RASSF3: variants seen among roughly 807,000 people sequenced by gnomAD.
RASSF3 encodes Ras association domain family member 3, also known as ras association domain-containing protein 3.
RASSF3 carries 19 observed loss-of-function variants against 19.9 expected under a neutral mutation model. The ratio of observed to expected loss-of-function variants is 0.96; its 90% CI spans 0.67 to 1.40. RASSF3 has a LOEUF of 1.40. RASSF3 is among the 40% of genes most tolerant of loss of function. The probability of loss-of-function intolerance (pLI) is 0.00; values close to 1 mark genes in which losing one functional copy is unlikely to be tolerated. For synonymous variants in RASSF3, 110 were observed against 104.2 expected, an observed-to-expected ratio of 1.06 and a Z score of -0.34; for missense variants, 306 against 289.8, an observed-to-expected ratio of 1.06 and a Z score of -0.41.
At chr12:64,678,260 A>C (rs998004473) in intron 1 of RASSF3, among the ~76,000 whole-genome samples, 1 of 152,200 alleles carries the variant, frequency 6.6e-6, no homozygotes, top group African/African-American at 2.4e-5. Context: ...TCTGTCTGTT[A>C]TTGCACTGGG....
intron 1 of RASSF3, among the ~76,000 whole-genome samples, chr12:64,673,473 G>T (rs1399930796): frequency 6.6e-6 from 1 of 152,184 alleles, no homozygotes; most frequent in East Asian, 1.9e-4. Flanking sequence ...CCGTAGTCCA[G>T]TGGCCTCTTT....
intron 3 of RASSF3, among the ~76,000 whole-genome samples, chr12:64,690,628 A>G (rs1018388494): frequency 6.6e-6 from 1 of 151,566 alleles, no homozygotes; most frequent in Non-Finnish European, 1.5e-5. Flanking sequence ...GGCGGGCCCC[A>G]TTATGCCTGG....
chr12:64,648,702 C>T (rs937234423), intron 1 of RASSF3, among the ~76,000 whole-genome samples: 19 of 151,226 alleles, frequency 1.3e-4, no homozygotes, highest in African/African-American at 3.6e-4. Flanking sequence ...AGGATGGTCT[C>T]GATCTCTTGA....
At chr12:64,571,731 T>C (rs1049385153) in intron 2 of RASSF3, among the ~76,000 whole-genome samples, 1 of 152,150 alleles carries the variant, frequency 6.6e-6, no homozygotes, top group African/African-American at 2.4e-5. Context: ...CGTGACACTT[T>C]TTTTTTGTGC....
chr12:64,672,721 T>C (rs1872740981), intron 1 of RASSF3, among the ~76,000 whole-genome samples: 1 of 152,262 alleles, frequency 6.6e-6, no homozygotes, highest in South Asian at 2.1e-4. Context: ...CTTGCTGTGT[T>C]GCCCAAGCTG....
At chr12:64,595,958 C>T (rs1869993282) in intron 2 of RASSF3, among the ~76,000 whole-genome samples, 2 of 152,170 alleles carry the variant, frequency 1.3e-5, no homozygotes, top group Admixed American at 6.5e-5. Flanking sequence ...CAGACTTTCC[C>T]TCCCCCTTTC....
chr12:64,683,786 T>G (rs1266259235), intron 1 of RASSF3, among the ~76,000 whole-genome samples: 1 of 152,208 alleles, frequency 6.6e-6, no homozygotes, highest in Non-Finnish European at 1.5e-5. Flanking sequence ...GGAAATGATG[T>G]TTTTGCAGAA....
In RASSF3 at chr12:64,519,216, G is replaced by T. The variant is rs373975016; in HGVS notation, c.169+11887G>T. ...GTAGTTCAAGACCAGCCTGGGCTAC[G>T]TGGAGAGACCCCATCTCTACTAAAA... On this transcript the variant is annotated intron_variant, in intron 1 of 5. Transcript: ENST00000637125. Among the ~76,000 whole-genome samples the T allele has an allele frequency of 2.6e-5, 4 of 152,212 alleles. No individual in the cohort carries two copies. The East Asian group carries it at 5.8e-4, about 22-fold the overall frequency.
chr12:64,661,050 G>GGTGT (rs541045991), intron 1 of RASSF3, among the ~76,000 whole-genome samples: 1 of 152,318 alleles, frequency 6.6e-6, no homozygotes, highest in South Asian at 2.1e-4. Flanking sequence ...CATGTCAGAA[G>GGTGT]GTGTTTTGTG....
chr12:64,677,494 T>C (rs923540712), intron 1 of RASSF3, among the ~76,000 whole-genome samples: 6 of 152,140 alleles, frequency 3.9e-5, no homozygotes, highest in Admixed American at 3.9e-4. Context: ...AGGCTGGCCT[T>C]GAACTCCTGG....
intron 2 of RASSF3, among the ~76,000 whole-genome samples, chr12:64,687,377 A>G (rs1232839196): frequency 6.6e-6 from 1 of 152,170 alleles, no homozygotes; most frequent in East Asian, 1.9e-4. Flanking sequence ...CAACTAAGAA[A>G]TAGTAATTCT....
At chr12:64,643,443 C>T (rs768330550) in intron 1 of RASSF3, among the ~76,000 whole-genome samples, 1 of 151,940 alleles carries the variant, frequency 6.6e-6, no homozygotes, top group African/African-American at 2.4e-5. Flanking sequence ...TAAGGCAGAA[C>T]GACCGCTTGA....
intron 1 of RASSF3, among the ~76,000 whole-genome samples, chr12:64,524,670 A>C (rs1868547979): frequency 6.6e-6 from 1 of 152,084 alleles, no homozygotes; most frequent in Non-Finnish European, 1.5e-5. Context: ...TTAATGTGCA[A>C]ACTCCTTTGC....
chr12:64,507,740 T>C (rs903497740), intron 1 of RASSF3, among the ~76,000 whole-genome samples: 3 of 152,168 alleles, frequency 2.0e-5, no homozygotes, highest in African/African-American at 4.8e-5. Context: ...CTCCTTTCCA[T>C]AGAAAACTAA....
At chr12:64,540,759 G>A (rs1418005166) in intron 1 of RASSF3, among the ~76,000 whole-genome samples, 1 of 152,160 alleles carries the variant, frequency 6.6e-6, no homozygotes, top group African/African-American at 2.4e-5. Context: ...GGTCAAGACT[G>A]CAGTAAGCTA....
intron 2 of RASSF3, among the ~76,000 whole-genome samples, chr12:64,603,406 T>C (rs1870130106): frequency 6.6e-6 from 1 of 152,184 alleles, no homozygotes; most frequent in Non-Finnish European, 1.5e-5. Flanking sequence ...TACCGAACTA[T>C]GGGGTTTATC....
intron 1 of RASSF3, among the ~76,000 whole-genome samples, chr12:64,611,021 C>A (rs961517473): frequency 6.6e-6 from 1 of 152,216 alleles, no homozygotes; most frequent in African/African-American, 2.4e-5. Flanking sequence ...CTCGGGCTGC[C>A]GCCTGCGGGG....
At chr12:64,628,453 GCT>G (rs1704939881) in intron 1 of RASSF3, 1 of 152,130 alleles carries the variant, frequency 6.6e-6, no homozygotes, top group African/African-American at 2.4e-5. Flanking sequence ...GGTTGCTGCA[GCT>G]TTTTGGGATT....
chr12:64,615,276 T>C (rs1870513936), intron 1 of RASSF3, among the ~76,000 whole-genome samples: 2 of 152,344 alleles, frequency 1.3e-5, no homozygotes, highest in African/African-American at 2.4e-5. Context: ...TCTTACCTCT[T>C]AGCTAAGCTA....
Sources: allele counts gnomAD v4.1 joint callset (sites outside exome capture counted in the v4.1 genomes callset), GRCh38; gene constraint gnomAD v4.1.1; transcripts MANE v1.5; gene names NCBI Gene and HGNC (gene_info 2026-07-23, HGNC 2026-07-21).